Variants in CCSER1 observed in about 807,000 individuals in gnomAD.
CCSER1 encodes the protein serine-rich coiled-coil domain-containing protein 1.
A neutral mutation model predicts 82.0 loss-of-function variants in CCSER1; 41 were observed. The observed-to-expected ratio is 0.50, with a 90% confidence interval of 0.39 to 0.65. The LOEUF is 0.65. Ranked by LOEUF, CCSER1 falls within the 30% of genes least tolerant of loss-of-function variation. The pLI, the probability that CCSER1 is intolerant of heterozygous loss-of-function variation, is 0.00. For synonymous variants in CCSER1, 414 were observed against 383.9 expected (o/e 1.08, Z -0.92); for missense variants, 1,119 against 1,064.2 (o/e 1.05, Z -0.72).
intron 6 of CCSER1, among the ~76,000 whole-genome samples, chr4:90,651,394 A>G (rs920125246): frequency 6.6e-6 from 1 of 152,186 alleles, no homozygotes; most frequent in African/African-American, 2.4e-5. Flanking sequence ...TGCCAGGGAT[A>G]TGGATGAAGC....
chr4:91,579,147 CCTTT>C (rs1182987368), intron 10 of CCSER1, among the ~76,000 whole-genome samples: 3 of 151,152 alleles, frequency 2.0e-5, no homozygotes, highest in African/African-American at 7.3e-5. Flanking sequence ...TGTTTTTAAA[CCTTT>C]CTTTCTGAGC....
chr4:90,484,277 T>C lies in CCSER1; in HGVS notation c.1724+15923T>C, dbSNP rs189998452. 3.5e-3 allele frequency among the ~76,000 whole-genome samples: 529 copies of C among 152,112 alleles called. 2 individuals carry two copies. The highest frequency in any genetic ancestry group is 0.012 in the African/African-American group (512 of 41,494). ...TTATTCTAGTTATCCATTCATCTAA[T>C]TTTTTTTCAAAGTTTTTAACTTATT... On this transcript the variant is annotated intron_variant, in intron 5 of 10. Transcript: ENST00000509176.
chr4:91,290,143 A>G (rs560248947), intron 10 of CCSER1, among the ~76,000 whole-genome samples: 1 of 152,000 alleles, frequency 6.6e-6, no homozygotes, highest in Non-Finnish European at 1.5e-5. Context: ...CCAAAAATGG[A>G]AGGGAAATTG....
intron 10 of CCSER1, among the ~76,000 whole-genome samples, chr4:91,529,637 T>C (rs1308134986): frequency 6.6e-6 from 1 of 152,104 alleles, no homozygotes; most frequent in Non-Finnish European, 1.5e-5. Flanking sequence ...CCTTTTTACA[T>C]GTATCTGAGA....
chr4:90,232,065 T>C (rs1176209741), intron 1 of CCSER1, among the ~76,000 whole-genome samples: 3 of 152,154 alleles, frequency 2.0e-5, no homozygotes, highest in African/African-American at 7.2e-5. Context: ...ATTTATAGAT[T>C]CAATGCCATC....
intron 10 of CCSER1, among the ~76,000 whole-genome samples, chr4:91,525,085 C>G (rs910386355): frequency 6.6e-6 from 1 of 152,058 alleles, no homozygotes; most frequent in South Asian, 2.1e-4. Context: ...CTAACTAATA[C>G]GAGAATCTCC....
intron 6 of CCSER1, among the ~76,000 whole-genome samples, chr4:90,717,277 A>G (rs1008990978): frequency 1.3e-5 from 2 of 152,188 alleles, no homozygotes; most frequent in African/African-American, 4.8e-5. Flanking sequence ...CCCCAATGGA[A>G]AACCAGAATG....
At chr4:91,222,612 T>C (rs976541786) in intron 10 of CCSER1, among the ~76,000 whole-genome samples, 2 of 152,126 alleles carry the variant, frequency 1.3e-5, no homozygotes, top group South Asian at 2.1e-4. Flanking sequence ...TAAAGCCAAA[T>C]TACTGGGTTT....
intron 7 of CCSER1, among the ~76,000 whole-genome samples, chr4:90,811,830 G>A (rs1298184905): frequency 6.6e-6 from 1 of 151,518 alleles, no homozygotes; most frequent in Non-Finnish European, 1.5e-5. Flanking sequence ...GATAATTCTG[G>A]ATTAGCTAGT....
rs190557262 is a variant in CCSER1 at position 90,879,188 on chromosome 4, G to C, written c.2095-44182G>C. Among the ~76,000 whole-genome samples the C allele has an allele frequency of 2.5e-4, 38 of 152,212 alleles. 1 individual carries two copies. Among genetic ancestry groups the C allele is most frequent in the African/African-American group, 7.9e-4 (33 of 41,540 alleles). On this transcript the variant is annotated intron_variant, in intron 8 of 10. Coordinates refer to ENST00000509176, the MANE Select transcript of CCSER1 (RefSeq NM_001145065.2). ...TTTAAGTTCTGAGATTCTTTTATCA[G>C]CTTGGTTTATTCTGCTGTTAATACT...
chr4:91,224,262 C>T (rs552390984), intron 10 of CCSER1, among the ~76,000 whole-genome samples: 11 of 151,842 alleles, frequency 7.2e-5, no homozygotes, highest in Non-Finnish European at 1.5e-4. Context: ...ATATATTTAA[C>T]GAAATGGTAA....
intron 1 of CCSER1, among the ~76,000 whole-genome samples, chr4:90,161,941 C>G (rs1024542452): frequency 6.6e-6 from 1 of 152,010 alleles, no homozygotes; most frequent in African/African-American, 2.4e-5. Flanking sequence ...TTTTGTAAAA[C>G]ACAGTTTTTC....
intron 10 of CCSER1, among the ~76,000 whole-genome samples, chr4:91,091,431 A>T (rs1003168202): frequency 9.2e-5 from 14 of 152,308 alleles, no homozygotes; most frequent in African/African-American, 2.6e-4. Flanking sequence ...AGAACAAAAA[A>T]AATTGTCTTA....
chr4:90,741,569 C>G (rs1746559576), intron 7 of CCSER1, among the ~76,000 whole-genome samples: 1 of 152,146 alleles, frequency 6.6e-6, no homozygotes, highest in Non-Finnish European at 1.5e-5. Flanking sequence ...ATATCATTAT[C>G]AATGATAATT....
At chr4:90,169,971 A>C (rs997658325) in intron 1 of CCSER1, among the ~76,000 whole-genome samples, 9 of 151,536 alleles carry the variant, frequency 5.9e-5, no homozygotes, top group African/African-American at 1.9e-4. Context: ...TCCCTTTTCT[A>C]TCTGTCCTTA....
At chr4:91,545,988 A>G (rs1051697769) in intron 10 of CCSER1, among the ~76,000 whole-genome samples, 15 of 152,256 alleles carry the variant, frequency 9.9e-5, no homozygotes, top group African/African-American at 3.6e-4. Flanking sequence ...TGTTGGTATC[A>G]TGACTGGGTT....
chr4:90,879,824 G>A (rs1721027685), intron 8 of CCSER1, among the ~76,000 whole-genome samples: 1 of 152,036 alleles, frequency 6.6e-6, no homozygotes, highest in African/African-American at 2.4e-5. Flanking sequence ...TCTGTGTATG[G>A]GTGTTCCTTT....
At chr4:90,142,593 A>G in intron 1 of CCSER1, among the ~76,000 whole-genome samples, 1 of 151,844 alleles carries the variant, frequency 6.6e-6, no homozygotes, top group Non-Finnish European at 1.5e-5. Context: ...AATGCACAAT[A>G]CAGCAGAGGG....
chr4:91,409,771 C>G (rs1026387820), intron 10 of CCSER1, among the ~76,000 whole-genome samples: 2 of 152,158 alleles, frequency 1.3e-5, no homozygotes, highest in African/African-American at 4.8e-5. Flanking sequence ...AAATCTCTGC[C>G]TCCTGGGTTC....
Sources: gnomAD v4.1 joint callset for allele counts (sites outside exome capture counted in the v4.1 genomes callset) on GRCh38, gnomAD v4.1.1 for gene constraint, MANE v1.5 for transcripts, NCBI Gene and HGNC (gene_info 2026-07-23, HGNC 2026-07-21) for gene names.